The following CELF2 variants were observed in gnomAD, a reference collection of about 807,000 sequenced individuals.
CELF2 encodes the protein CUG triplet repeat RNA-binding protein 2.
CELF2 carries 8 observed loss-of-function variants against 62.6 expected under a neutral mutation model. The ratio of observed to expected loss-of-function variants is 0.13; its 90% CI spans 0.07 to 0.23. The LOEUF is 0.23. Among genes scored for constraint, CELF2 ranks in the 10% least tolerant of loss-of-function variants. The pLI is 1.00. For missense variants in CELF2, 333 were observed against 671.0 expected, an observed-to-expected ratio of 0.50 and a Z score of 5.56; for synonymous variants, 258 against 250.0, an observed-to-expected ratio of 1.03 and a Z score of -0.30.
At chr10:10,869,299 C>T (rs948496216) in intron 1 of CELF2, among the ~76,000 whole-genome samples, 3 of 152,156 alleles carry the variant, frequency 2.0e-5, no homozygotes, top group Non-Finnish European at 2.9e-5. Context: ...CGCGGTGGCT[C>T]ACATCTGTAA....
the CELF2 span, among the ~76,000 whole-genome samples, chr10:10,562,330 G>A: frequency 1.9e-4 from 29 of 152,298 alleles, no homozygotes; most frequent in African/African-American, 6.7e-4. Flanking sequence ...AAGAGCCAAA[G>A]GGATAGTTAT....
the CELF2 span, among the ~76,000 whole-genome samples, chr10:10,653,225 G>T: frequency 6.6e-6 from 1 of 152,080 alleles, no homozygotes; most frequent in Admixed American, 6.6e-5. Flanking sequence ...AGCAAGTCCT[G>T]AGTGACCTAC....
chr10:11,076,790 T>G (rs1445807284), intron 1 of CELF2, among the ~76,000 whole-genome samples: 2 of 152,182 alleles, frequency 1.3e-5, no homozygotes, highest in Non-Finnish European at 2.9e-5. Context: ...AAAATTTAAA[T>G]CACCTGGTTT....
chr10:11,166,608 C>T (rs1013477971), intron 2 of CELF2, among the ~76,000 whole-genome samples: 1 of 152,080 alleles, frequency 6.6e-6, no homozygotes, highest in Non-Finnish European at 1.5e-5. Context: ...CTGAGGAGTC[C>T]TCTCTGTTGT....
At chr10:10,924,575 T>A (rs1356705196) in intron 2 of CELF2, among the ~76,000 whole-genome samples, 1 of 152,172 alleles carries the variant, frequency 6.6e-6, no homozygotes, top group Non-Finnish European at 1.5e-5. Flanking sequence ...TATTCGTAAA[T>A]GAAGCTTAAA....
intron 2 of CELF2, among the ~76,000 whole-genome samples, chr10:11,186,181 G>A (rs905351644): frequency 6.6e-6 from 1 of 151,784 alleles, no homozygotes; most frequent in African/African-American, 2.4e-5. Flanking sequence ...AGTTCTACTT[G>A]TCATGTCTCC....
intron 1 of CELF2, among the ~76,000 whole-genome samples, chr10:11,029,419 G>T (rs1042353175): frequency 1.3e-5 from 2 of 152,214 alleles, no homozygotes; most frequent in Admixed American, 6.5e-5. Context: ...CACAGATTCT[G>T]TTTGGAAGCC....
At chr10:10,627,803 A>T in the CELF2 span, among the ~76,000 whole-genome samples, 2 of 152,234 alleles carry the variant, frequency 1.3e-5, no homozygotes, top group Non-Finnish European at 2.9e-5. Context: ...ACTGTTTTTC[A>T]CTTTCTACCA....
intron 1 of CELF2, among the ~76,000 whole-genome samples, chr10:10,841,345 C>CAA (rs34172827): frequency 0.072 from 10,452 of 145,826 alleles, 492 homozygotes; most frequent in East Asian, 0.21. Context: ...GATATAGTAT[C>CAA]AAAAAAAAAA....
chr10:10,556,877 G>T, the CELF2 span, among the ~76,000 whole-genome samples: 2 of 146,548 alleles, frequency 1.4e-5, no homozygotes, highest in Non-Finnish European at 3.0e-5. Flanking sequence ...TTTTGATGGG[G>T]TTGTTTGTTT....
At chr10:11,064,263 AT>A (rs2067509791) in intron 1 of CELF2, among the ~76,000 whole-genome samples, 1 of 152,062 alleles carries the variant, frequency 6.6e-6, no homozygotes, top group African/African-American at 2.4e-5. Context: ...GCTTTTTCTG[AT>A]TTGTGGATTT....
At chr10:10,913,460 A>G (rs2146550) in intron 1 of CELF2, among the ~76,000 whole-genome samples, 125,727 of 143,494 alleles carry the variant, frequency 0.88, 55,175 homozygotes, top group East Asian at 0.94. Flanking sequence ...GCGCAATCTC[A>G]GCTCACTGCA....
intron 1 of CELF2, among the ~76,000 whole-genome samples, chr10:11,054,007 A>G (rs970890305): frequency 6.6e-6 from 1 of 152,194 alleles, no homozygotes; most frequent in African/African-American, 2.4e-5. Context: ...TAATTTTGGA[A>G]AATACCCCAT....
At chr10:11,170,777 A>G (rs1288640597) in intron 2 of CELF2, among the ~76,000 whole-genome samples, 1 of 152,220 alleles carries the variant, frequency 6.6e-6, no homozygotes, top group Non-Finnish European at 1.5e-5. Context: ...ACCTAGAATC[A>G]GTAGATAAAT....
At chr10:10,908,690 C>T (rs1399410436) in intron 1 of CELF2, among the ~76,000 whole-genome samples, 2 of 152,162 alleles carry the variant, frequency 1.3e-5, no homozygotes, top group East Asian at 3.9e-4. Context: ...CAAATCATAT[C>T]AGAACAACCT....
intron 1 of CELF2, among the ~76,000 whole-genome samples, chr10:11,072,090 T>C (rs576132296): frequency 6.0e-4 from 92 of 152,312 alleles, no homozygotes; most frequent in African/African-American, 2.1e-3. Flanking sequence ...ACAGCTGAGT[T>C]ACACATTCCA....
the CELF2 span, among the ~76,000 whole-genome samples, chr10:10,661,905 G>C: frequency 5.9e-5 from 9 of 152,298 alleles, no homozygotes; most frequent in East Asian, 1.7e-3. Flanking sequence ...TCTCAGGTAA[G>C]AGATACAGAC....
chr10:11,021,023 T>G (rs922315922), intron 1 of CELF2, among the ~76,000 whole-genome samples: 1 of 152,128 alleles, frequency 6.6e-6, no homozygotes, highest in East Asian at 1.9e-4. Context: ...AGGCACTGAT[T>G]TTTTTTTAAA....
At chr10:10,688,692 T>C in the CELF2 span, among the ~76,000 whole-genome samples, 1 of 152,180 alleles carries the variant, frequency 6.6e-6, no homozygotes, top group African/African-American at 2.4e-5. Context: ...TAATTGGTTG[T>C]ATGAAAATAA....
Sources: gnomAD v4.1 joint callset for allele counts (sites outside exome capture counted in the v4.1 genomes callset) on GRCh38, gnomAD v4.1.1 for gene constraint, MANE v1.5 for transcripts, NCBI Gene and HGNC (gene_info 2026-07-23, HGNC 2026-07-21) for gene names.